ANKHD1: variants seen among roughly 807,000 people sequenced by gnomAD.
The protein encoded by ANKHD1 is ankyrin repeat and KH domain containing 1, also known as ankyrin repeat and KH domain-containing protein 1.
In ANKHD1, 31 loss-of-function variants were observed where a neutral mutation model predicts 230.5. That is an observed-to-expected ratio of 0.13 (90% CI 0.10 to 0.18). The LOEUF is 0.18. Among genes scored for constraint, ANKHD1 ranks in the 10% least tolerant of loss-of-function variants. ANKHD1 has a pLI of 1.00. For missense variants in ANKHD1, 2,256 were observed against 3,071.3 expected (o/e 0.73, Z 6.27); for synonymous variants, 1,074 against 1,117.6 (o/e 0.96, Z 0.78).
intron 1 of ANKHD1, among the ~76,000 whole-genome samples, chr5:140,428,647 C>A (rs188170982): frequency 5.9e-5 from 9 of 151,952 alleles, no homozygotes; most frequent in African/African-American, 2.2e-4. Flanking sequence ...AGAGGGAGAC[C>A]GTGGGGAGAG....
Position 140,535,525 on chromosome 5 carries a change from C to A in ANKHD1, c.7014C>A (p.Ser2338Arg). ...ATTTTTCTCCCCATCCTTGGACAAG[C>A]GCCTCAAACTCATGTAGGAATCCTG... ...RQHFSPHPWT[S>R]ASNSSTSAPP... The change falls in exon 30 of 34, where the codon AGC becomes AGA. Residue 2338 changes from serine (S) to arginine (R), a missense_variant. Physicochemically the swap from Ser to Arg is moderately radical, Grantham distance 110. This residue lies in a region of ANKHD1 where 778 missense variants were observed against 966.5 expected (regional missense o/e 0.80). Coordinates refer to ENST00000360839, the MANE Select transcript of ANKHD1 (RefSeq NM_017747.3). 6.2e-7 allele frequency: 1 copy of A among 1,605,448 alleles called. No homozygotes were observed. The highest frequency in any genetic ancestry group is 1.7e-5 in the Admixed American group (1 of 57,584).
chr5:140,538,061 C>G, intron 31 of ANKHD1, 25 bp from the exon 32 acceptor site: 1 of 1,579,890 alleles, frequency 6.3e-7, no homozygotes, highest in Non-Finnish European at 8.6e-7. Context: ...AAATTTAAAA[C>G]TTTGTTTTCA....
At position 140,464,795 on chromosome 5, in the gene ANKHD1, C is replaced by CA; in HGVS notation, c.1782+22dup. ...TGATTTAGTAAGATATTTTTAATTTCAAATATTTTTGCGTTAATGTTAATA... is the reference window on the plus strand; with the variant it reads ...TGATTTAGTAAGATATTTTTAATTTCAAAATATTTTTGCGTTAATGTTAATA... On this transcript the variant is annotated intron_variant, in intron 10 of 33. Transcript: ENST00000360839. The CA allele has an allele frequency of 6.3e-7, 1 of 1,579,986 alleles. No homozygotes were observed. The highest frequency in any genetic ancestry group is 8.6e-7 in the Non-Finnish European group (1 of 1,159,882).
Position 140,485,438 on chromosome 5 carries a change from G to GTA in ANKHD1, c.1999-140_1999-139dup, listed in dbSNP as rs147578041. On this transcript the variant is annotated intron_variant, in intron 12 of 33. Transcript: ENST00000360839. The surrounding 1 kb of genome is among the most constrained non-coding windows in gnomAD (Gnocchi z 4.8). ...CACACACACACACACGTATGTATGT[G>GTA]TATATATATATAAATAATATGTGTA... is the stretch of plus-strand genomic sequence containing the variant. 7.2e-5 allele frequency: 50 copies of GTA among 693,262 alleles called. No homozygotes were observed. Among genetic ancestry groups the GTA allele is most frequent in the Middle Eastern group, 5.4e-4 (1 of 1,844 alleles). The allele number at this position is 693,262 out of a possible 1,614,324, so 42.9% of individuals were successfully genotyped here. A position where few individuals can be genotyped will look rare whatever the true frequency, so the allele number is the denominator to read the frequency against.
At chr5:140,444,812 G>A (rs1774148616) in intron 5 of ANKHD1, among the ~76,000 whole-genome samples, 1 of 152,272 alleles carries the variant, frequency 6.6e-6, no homozygotes, top group South Asian at 2.1e-4. Flanking sequence ...CCCATTTGGA[G>A]TCCCCTCAGT....
chr5:140,453,890 A>T (rs1024921790), intron 7 of ANKHD1, among the ~76,000 whole-genome samples: 8 of 152,236 alleles, frequency 5.3e-5, no homozygotes, highest in Non-Finnish European at 8.8e-5. Context: ...AAATGGGCTA[A>T]ATGCTCCAAT....
At chr5:140,535,732 A>G in intron 30 of ANKHD1, 194 bp downstream of exon 30, 2 of 821,542 alleles carry the variant, frequency 2.4e-6, no homozygotes, top group Non-Finnish European at 3.3e-6. Context: ...TTTCAAGCCA[A>G]AAATGTTTTA....
At chr5:140,470,480 T>C (rs558744376) in intron 10 of ANKHD1, among the ~76,000 whole-genome samples, 1 of 151,860 alleles carries the variant, frequency 6.6e-6, no homozygotes, top group South Asian at 2.1e-4. Flanking sequence ...TTCATATGTA[T>C]GGTCTCCCTC....
chr5:140,539,569 C>G lies in ANKHD1; in HGVS notation c.*151C>G, dbSNP rs1754214667. On this transcript the variant is annotated 3_prime_UTR_variant, in exon 34 of 34. Coordinates refer to ENST00000360839, the MANE Select transcript of ANKHD1 (RefSeq NM_017747.3). ...CATTGTATAAGAACAAATTGATTTC[C>G]TATCCACCTGATTATGTTCTCTGGT... 1.2e-6 allele frequency: 1 copy of G among 832,676 alleles called. No individual in the cohort carries two copies. Among genetic ancestry groups the G allele is most frequent in the Non-Finnish European group, 1.8e-6 (1 of 549,430 alleles). 51.6% of individuals were successfully genotyped at this position (832,676 alleles called of 1,614,324 possible).
At chr5:140,449,134 A>T in intron 6 of ANKHD1, 77 bp from the exon 7 acceptor site, 1 of 1,426,298 alleles carries the variant, frequency 7.0e-7, no homozygotes, top group East Asian at 2.5e-5. Flanking sequence ...ACATCTGAAG[A>T]AAAAGATTCC....
Position 140,527,519 on chromosome 5 carries a change from ATATGG to A in ANKHD1, c.5088-350_5088-346del, listed in dbSNP as rs1753658191. 2 of 207,720 alleles carry A rather than the reference ATATGG, an allele frequency of 9.6e-6. No individual in the cohort carries two copies. The highest frequency in any genetic ancestry group is 1.9e-5 in the Non-Finnish European group (2 of 103,854). The allele number at this position is 207,720 out of a possible 1,614,324, so 12.9% of individuals were successfully genotyped here. On this transcript the variant is annotated intron_variant, in intron 27 of 33. Coordinates refer to ENST00000360839, the MANE Select transcript of ANKHD1 (RefSeq NM_017747.3). This position sits in a 1 kb window ranked among gnomAD's most constrained non-coding sequence, Gnocchi z 4.5. ...TAGTTATTCTGTGTGGATTTTAATA[ATATGG>A]TATTCATTATTTTAACAGGGTCATT...
rs766044908 is a variant in ANKHD1, at chr5:140,459,245, C to T, written c.1562C>T (p.Ala521Val). Residue 521 changes from alanine to valine, a missense_variant, in exon 9 of 34, where the codon GCA becomes GTA. This residue lies in a region of ANKHD1 where 179 missense variants were observed against 261.8 expected (regional missense o/e 0.68). Coordinates refer to ENST00000360839, the MANE Select transcript of ANKHD1 (RefSeq NM_017747.3). ...TGCTGTGGAGGATTTTCTGAAGTTG[C>T]AGACTTTCTTATTAAGGCAGGGGCT... is the stretch of plus-strand genomic sequence containing the variant. Reference protein sequence around the residue: ...LACCGGFSEVADFLIKAGADI... With the variant: ...LACCGGFSEVVDFLIKAGADI... The T allele has an allele frequency of 6.2e-7, 1 of 1,602,702 alleles. No homozygotes were observed. Among genetic ancestry groups the T allele is most frequent in the South Asian group, 1.1e-5 (1 of 89,978 alleles).
intron 14 of ANKHD1, among the ~76,000 whole-genome samples, chr5:140,495,864 T>G (rs1369787899): frequency 6.6e-6 from 1 of 152,176 alleles, no homozygotes; most frequent in Admixed American, 6.5e-5. Context: ...CAAGTTGTCC[T>G]TTGCATAGTA....
rs1275943886 is a variant in ANKHD1 at position 140,497,260 on chromosome 5, C to G, written c.2986C>G (p.Leu996Val). ...TCCAGCTCAGACGCTTACCGACACT[C>G]TTGATGACCTGATAGCAGGTGGGTT... ...ATPAQTLTDT[L>V]DDLIAAVSTR... is the part of the protein sequence containing the mutation. Residue 996 changes from leucine (L) to valine (V), a missense_variant, in exon 15 of 34, where the codon CTT becomes GTT. Physicochemically the swap from Leu to Val is conservative, Grantham distance 32. Coordinates refer to ENST00000360839, the MANE Select transcript of ANKHD1 (RefSeq NM_017747.3). The G allele has an allele frequency of 3.1e-6, 5 of 1,603,698 alleles. No homozygotes were observed. The highest frequency in any genetic ancestry group is 4.2e-6 in the Non-Finnish European group (5 of 1,179,466).
intron 26 of ANKHD1, 139 bp downstream of exon 26, chr5:140,526,582 A>G: frequency 2.5e-6 from 3 of 1,194,926 alleles, no homozygotes; most frequent in Admixed American, 3.3e-5. Flanking sequence ...CAATATTCAA[A>G]ACTGAAATTC....
At chr5:140,424,156 C>G (rs1772207615) in intron 1 of ANKHD1, among the ~76,000 whole-genome samples, 1 of 151,524 alleles carries the variant, frequency 6.6e-6, no homozygotes, top group South Asian at 2.1e-4. Context: ...TCTTATATAC[C>G]CTGGTATATA....
intron 1 of ANKHD1, among the ~76,000 whole-genome samples, chr5:140,432,374 A>G (rs781479501): frequency 2.0e-5 from 3 of 152,044 alleles, no homozygotes; most frequent in African/African-American, 4.8e-5. Context: ...ACTAAACATA[A>G]TGTTTTCAAG....
intron 24 of ANKHD1, among the ~76,000 whole-genome samples, chr5:140,523,108 CTT>C (rs374008554): frequency 4.5e-4 from 42 of 93,482 alleles, no homozygotes; most frequent in Non-Finnish European, 6.8e-4. Context: ...TTTCTTTTTC[CTT>C]TTTTTTTTTT....
chr5:140,408,692 A>AT (rs902956370), intron 1 of ANKHD1, among the ~76,000 whole-genome samples: 3 of 151,934 alleles, frequency 2.0e-5, no homozygotes, highest in East Asian at 1.9e-4. Flanking sequence ...TTTTAATTAA[A>AT]TTTTTTTTAC....
Sources: gnomAD v4.1 joint callset for allele counts (sites outside exome capture counted in the v4.1 genomes callset) on GRCh38, gnomAD v4.1.1 for gene constraint, gnomAD v4.1.1 regional missense constraint, Gnocchi (gnomAD v3.1) non-coding constraint, MANE v1.5 for transcripts, NCBI Gene and HGNC (gene_info 2026-07-23, HGNC 2026-07-21) for gene names.